ANKRD27: variants seen among roughly 807,000 people sequenced by gnomAD.
ANKRD27 encodes ankyrin repeat domain-containing protein 27.
In ANKRD27, 112 loss-of-function variants were observed where a neutral mutation model predicts 129.7. The observed-to-expected ratio is 0.86, with a 90% CI of 0.74 to 1.01. ANKRD27 has a LOEUF of 1.01. Among genes scored for constraint, ANKRD27 ranks in the 50% least tolerant of loss-of-function variants. The pLI is 0.00. For synonymous variants in ANKRD27, 516 were observed against 511.2 expected, an observed-to-expected ratio of 1.01 and a Z score of -0.13; for missense variants, 1,258 against 1,300.5, an observed-to-expected ratio of 0.97 and a Z score of 0.50.
chr19:32,645,213 AC>A (rs2145303564), intron 4 of ANKRD27, among the ~76,000 whole-genome samples: 1 of 152,240 alleles, frequency 6.6e-6, no homozygotes, highest in African/African-American at 2.4e-5. Flanking sequence ...AGGGATCAAG[AC>A]CATCCTGGCC....
At chr19:32,648,661 A>G (rs1334692639) in intron 3 of ANKRD27, among the ~76,000 whole-genome samples, 3 of 152,050 alleles carry the variant, frequency 2.0e-5, no homozygotes, top group East Asian at 1.9e-4. Flanking sequence ...TTAGCTGGGC[A>G]TGGTGGCGGG....
chr19:32,612,318 G>A (rs1217639342), intron 22 of ANKRD27, among the ~76,000 whole-genome samples: 1 of 152,098 alleles, frequency 6.6e-6, no homozygotes, highest in Non-Finnish European at 1.5e-5. Flanking sequence ...TCATCTATAG[G>A]TTTAATGTAA....
At chr19:32,640,995 T>A (rs1423980028) in intron 10 of ANKRD27, among the ~76,000 whole-genome samples, 1 of 152,002 alleles carries the variant, frequency 6.6e-6, no homozygotes, top group Non-Finnish European at 1.5e-5. Context: ...GCCTCCCGGG[T>A]TCACGCCACT....
chr19:32,634,055 A>T (rs1967046759), intron 12 of ANKRD27, among the ~76,000 whole-genome samples: 1 of 152,168 alleles, frequency 6.6e-6, no homozygotes, highest in Non-Finnish European at 1.5e-5. Flanking sequence ...GCTTATGGTC[A>T]TCTCAAGTAT....
At chr19:32,634,617 C>A (rs1259908800) in intron 12 of ANKRD27, among the ~76,000 whole-genome samples, 1 of 152,128 alleles carries the variant, frequency 6.6e-6, no homozygotes, top group African/African-American at 2.4e-5. Flanking sequence ...ACATCTGAGC[C>A]TATAGGAGTG....
intron 24 of ANKRD27, among the ~76,000 whole-genome samples, chr19:32,605,229 T>A (rs940787392): frequency 6.6e-6 from 1 of 151,836 alleles, no homozygotes; most frequent in African/African-American, 2.4e-5. Flanking sequence ...CAGCAAAAAC[T>A]AGCCAGGTGC....
At chr19:32,641,761 C>T (rs1303617772) in intron 10 of ANKRD27, among the ~76,000 whole-genome samples, 1 of 89,698 alleles carries the variant, frequency 1.1e-5, no homozygotes, top group African/African-American at 5.9e-5. Context: ...TTTTCTTTTA[C>T]TTCTTCTTTT....
chr19:32,658,027 C>T (rs191552705), intron 2 of ANKRD27, among the ~76,000 whole-genome samples: 19 of 152,168 alleles, frequency 1.2e-4, no homozygotes, highest in Non-Finnish European at 1.6e-4. Context: ...TTCCGGCGTC[C>T]GAGAGGCCGC....
chr19:32,645,547 T>C (rs1248335317), intron 4 of ANKRD27, among the ~76,000 whole-genome samples: 1 of 152,110 alleles, frequency 6.6e-6, no homozygotes, highest in Admixed American at 6.6e-5. Flanking sequence ...CAAGTGACCC[T>C]CCCACCTCAG....
At chr19:32,610,214 G>A (rs1224307251) in intron 22 of ANKRD27, among the ~76,000 whole-genome samples, 1 of 152,156 alleles carries the variant, frequency 6.6e-6, no homozygotes, top group Non-Finnish European at 1.5e-5. Context: ...GGAAGCTGAG[G>A]TAGGAGAATT....
intron 2 of ANKRD27, among the ~76,000 whole-genome samples, chr19:32,653,076 G>A (rs560896539): frequency 6.6e-6 from 1 of 152,258 alleles, no homozygotes; most frequent in South Asian, 2.1e-4. Flanking sequence ...ATATTCCTCT[G>A]GCCTGCAAAT....
chr19:32,649,232 C>CA (rs1212993804), intron 3 of ANKRD27, among the ~76,000 whole-genome samples: 14 of 152,148 alleles, frequency 9.2e-5, no homozygotes, highest in Admixed American at 9.2e-4. Context: ...CTCGGCCCCC[C>CA]AAAGTGCTAG....
chr19:32,620,266 A>G (rs925175362), intron 18 of ANKRD27, among the ~76,000 whole-genome samples: 11 of 151,958 alleles, frequency 7.2e-5, no homozygotes, highest in Non-Finnish European at 1.6e-4. Flanking sequence ...TAAAAAAAAA[A>G]AAAAGAGGGA....
chr19:32,624,481 C>T (rs1194838475), intron 17 of ANKRD27, among the ~76,000 whole-genome samples: 1 of 152,136 alleles, frequency 6.6e-6, no homozygotes, highest in African/African-American at 2.4e-5. Flanking sequence ...GGCATGGTGT[C>T]ATCTTCATAC....
chr19:32,632,358 CGT>C (rs1967010047), intron 12 of ANKRD27, among the ~76,000 whole-genome samples: 1 of 148,822 alleles, frequency 6.7e-6, no homozygotes. Flanking sequence ...GGCCGAGGCG[CGT>C]GGATCACTTG....
rs1330779991 is a variant in ANKRD27, at chr19:32,600,056, G to A, written c.2768-6C>T. On this transcript the variant is annotated splice_polypyrimidine_tract_variant and splice_region_variant and intron_variant, in intron 26 of 28. Transcript: ENST00000306065. Reference sequence around the variant, plus strand: ...ATCATACAGTTTTGAGTTCCCTGTAGATAAAAAGATAAACATCTAAAAACT... The same window carrying A: ...ATCATACAGTTTTGAGTTCCCTGTAAATAAAAAGATAAACATCTAAAAACT... The A allele has an allele frequency of 1.3e-6, 2 of 1,592,702 alleles. No homozygotes were observed. The highest frequency in any genetic ancestry group is 1.7e-6 in the Non-Finnish European group (2 of 1,162,236).
chr19:32,607,119 TG>T (rs765247721), intron 23 of ANKRD27, among the ~76,000 whole-genome samples: 10 of 129,510 alleles, frequency 7.7e-5, no homozygotes, highest in Non-Finnish European at 4.7e-5. Context: ...CGCTCCAGCC[TG>T]GGAGACAGAG....
intron 2 of ANKRD27, among the ~76,000 whole-genome samples, chr19:32,650,279 T>C (rs980836945): frequency 4.6e-5 from 7 of 152,162 alleles, no homozygotes; most frequent in Non-Finnish European, 1.0e-4. Flanking sequence ...TGGCCAGGCG[T>C]GGTGGCTCAT....
rs529376941 is a variant in ANKRD27, at chr19:32,611,893, T to C, written c.2175+3765A>G. ...ATCGTGCCCGGCCAAATTCATTTTC[T>C]ATTTTCTATTTTATATTTTTAGTTT... On this transcript the variant is annotated intron_variant, in intron 22 of 28. Coordinates refer to ENST00000306065, the MANE Select transcript of ANKRD27 (RefSeq NM_032139.3). 3.9e-5 allele frequency among the ~76,000 whole-genome samples: 6 copies of C among 152,320 alleles called. No homozygotes were observed. In the South Asian group the frequency reaches 1.2e-3, roughly 32 times the overall value.
Sources: allele counts gnomAD v4.1 joint callset (sites outside exome capture counted in the v4.1 genomes callset), GRCh38; gene constraint gnomAD v4.1.1; transcripts MANE v1.5; gene names NCBI Gene and HGNC (gene_info 2026-07-23, HGNC 2026-07-21).